The following RPA3 variants were observed in gnomAD, a reference collection of about 807,000 sequenced individuals.
RPA3 encodes replication protein A 14 kDa subunit.
In RPA3, 24 loss-of-function variants were observed where a neutral mutation model predicts 13.7. That is an observed-to-expected ratio of 1.75 (90% CI 1.27 to 2.46). RPA3 has a LOEUF of 2.46. Ranked by LOEUF, RPA3 falls within the 30% of genes most tolerant of loss-of-function variation. The pLI, the probability that RPA3 is intolerant of heterozygous loss-of-function variation, is 0.00. For synonymous variants in RPA3, 59 were observed against 51.2 expected (o/e 1.15, Z -0.65); for missense variants, 183 against 151.0 (o/e 1.21, Z -1.11).
chr7:7,674,836 C>A (rs1237111230), intron 4 of RPA3, among the ~76,000 whole-genome samples: 1 of 152,082 alleles, frequency 6.6e-6, no homozygotes, highest in African/African-American at 2.4e-5. Context: ...GTACATCAGG[C>A]CTCCTGTGAA....
rs1267107052 is a variant in RPA3, at chr7:7,640,931, T to TGGGTGCTGC, written c.-522_-514dup. 1 of 164,322 alleles carries TGGGTGCTGC rather than the reference T, an allele frequency of 6.1e-6. No homozygotes were observed. Among genetic ancestry groups the TGGGTGCTGC allele is most frequent in the Non-Finnish European group, 1.3e-5 (1 of 74,916 alleles). 10.2% of individuals were successfully genotyped at this position (164,322 alleles called of 1,614,324 possible). On this transcript the variant is annotated 5_prime_UTR_variant, in exon 5 of 8. Coordinates refer to ENST00000223129, the MANE Select transcript of RPA3 (RefSeq NM_002947.5). ...GGCACTAGCTGCTGCCGCGGTGCTG[T>TGGGTGCTGC]GGGTGCTGCGTACCAGCTGTTCACT...
chr7:7,696,172 A>T (rs1583747114), intron 2 of RPA3, among the ~76,000 whole-genome samples: 3 of 151,602 alleles, frequency 2.0e-5, no homozygotes, highest in African/African-American at 7.3e-5. Context: ...TGCCCAGCTA[A>T]TTTTTTTATT....
chr7:7,655,408 ATAAAT>A (rs974474013), intron 4 of RPA3, among the ~76,000 whole-genome samples: 6 of 152,242 alleles, frequency 3.9e-5, no homozygotes, highest in African/African-American at 1.4e-4. Context: ...AAAAAATAAA[ATAAAT>A]TAAATGAAAA....
At chr7:7,683,708 C>T (rs1377844286) in intron 4 of RPA3, among the ~76,000 whole-genome samples, 4 of 151,836 alleles carry the variant, frequency 2.6e-5, no homozygotes, top group Admixed American at 6.6e-5. Flanking sequence ...CTGCAATCTC[C>T]GCCTCCTGGG....
Position 7,637,914 on chromosome 7 carries a change from G to T in RPA3, c.233C>A (p.Thr78Asn). ...CTGGACATAAGATGTACACAAGATG[G>T]TGGCCTTGGCGGTTACTCTTCCAAC... ...EVVGRVTAKA[T>N]ILCTSYVQFK... Residue 78 changes from threonine to asparagine, a missense_variant, in exon 7 of 8, where the codon ACC (threonine) becomes AAC (asparagine). Coordinates refer to ENST00000223129, the MANE Select transcript of RPA3 (RefSeq NM_002947.5). 6.2e-7 allele frequency: 1 copy of T among 1,613,672 alleles called. No homozygotes were observed. Among genetic ancestry groups the T allele is most frequent in the Non-Finnish European group, 8.5e-7 (1 of 1,179,760 alleles).
chr7:7,667,032 C>T (rs916044549), intron 4 of RPA3, among the ~76,000 whole-genome samples: 2 of 152,184 alleles, frequency 1.3e-5, no homozygotes, highest in Non-Finnish European at 2.9e-5. Flanking sequence ...AGGTCTCTAA[C>T]TCCTAACCTC....
intron 1 of RPA3, among the ~76,000 whole-genome samples, chr7:7,716,251 C>A (rs190398023): frequency 4.7e-4 from 72 of 152,000 alleles, no homozygotes; most frequent in African/African-American, 1.4e-3. Flanking sequence ...AATCAGGATT[C>A]GATATTATTA....
rs758879887 is a variant in RPA3 at position 7,640,334 on chromosome 7, C to G, written c.85G>C (p.Gly29Arg). ...AACCCGCACACCTTTTCCAGCCTCC[C>G]TACGAAGCAGACAGGCTTGTCGATG... ...QFIDKPVCFV[G>R]RLEKIHPTGK... is the part of the protein sequence containing the mutation. The change falls in exon 5 of 8, where the codon GGG becomes CGG. Residue 29 changes from glycine (G) to arginine (R), a missense_variant. Physicochemically the swap from Gly to Arg is moderately radical, Grantham distance 125 (BLOSUM62 -2). Transcript: ENST00000223129. 2.6e-5 allele frequency: 42 copies of G among 1,613,934 alleles called. No homozygotes were observed. The highest frequency in any genetic ancestry group is 3.3e-5 in the Non-Finnish European group (39 of 1,179,958).
intron 4 of RPA3, among the ~76,000 whole-genome samples, chr7:7,668,083 A>AT (rs1318192208): frequency 3.3e-4 from 48 of 147,180 alleles, no homozygotes; most frequent in East Asian, 4.0e-4. Context: ...CAGCTGGCTA[A>AT]TTTTTTTTTT....
In RPA3 at chr7:7,645,155, A is replaced by G. The variant is rs143065734; in HGVS notation, c.-757-3980T>C. Among the ~76,000 whole-genome samples, 667 of 152,150 alleles carry G rather than the reference A, an allele frequency of 4.4e-3. 4 individuals are homozygous for G. The highest frequency in any genetic ancestry group is 0.015 in the African/African-American group (632 of 41,488). On this transcript the variant is annotated intron_variant, in intron 4 of 7. Transcript: ENST00000223129. ...CTATCAGTTTTTTTTGGAATTTTCTATTCATATTTGAATAATTATAGTTTT... is the reference window on the plus strand; with the variant it reads ...CTATCAGTTTTTTTTGGAATTTTCTGTTCATATTTGAATAATTATAGTTTT...
intron 4 of RPA3, among the ~76,000 whole-genome samples, chr7:7,684,566 A>T (rs1446377202): frequency 3.3e-5 from 5 of 152,124 alleles, no homozygotes; most frequent in Non-Finnish European, 7.4e-5. Context: ...GAATCCACCC[A>T]TGAGGAACTC....
chr7:7,645,057 A>C (rs1003707427), intron 4 of RPA3, among the ~76,000 whole-genome samples: 6 of 152,088 alleles, frequency 3.9e-5, no homozygotes, highest in Admixed American at 2.6e-4. Flanking sequence ...TGCTATTATG[A>C]ATGGTATCAT....
chr7:7,710,872 G>A (rs752659945), intron 2 of RPA3, among the ~76,000 whole-genome samples: 1 of 152,186 alleles, frequency 6.6e-6, no homozygotes, highest in African/African-American at 2.4e-5. Context: ...GTAACAAACT[G>A]TTGATATATA....
chr7:7,662,089 C>G (rs988725629), intron 4 of RPA3, among the ~76,000 whole-genome samples: 41 of 152,274 alleles, frequency 2.7e-4, no homozygotes, highest in African/African-American at 8.7e-4. Flanking sequence ...GGATCTTTCC[C>G]GGCATCTTTG....
intron 4 of RPA3, among the ~76,000 whole-genome samples, chr7:7,680,415 G>A (rs927177024): frequency 3.3e-5 from 5 of 151,978 alleles, no homozygotes; most frequent in African/African-American, 9.7e-5. Flanking sequence ...TTTTTATGCC[G>A]GTACTGTGCT....
intron 5 of RPA3, chr7:7,640,082 G>C (rs1485797485): frequency 1.8e-6 from 1 of 544,774 alleles, no homozygotes; most frequent in African/African-American, 1.9e-5. Flanking sequence ...TAGAACGGAG[G>C]CGACGGGCAC....
At chr7:7,697,564 A>C (rs1780351440) in intron 2 of RPA3, among the ~76,000 whole-genome samples, 1 of 152,202 alleles carries the variant, frequency 6.6e-6, no homozygotes, top group East Asian at 1.9e-4. Flanking sequence ...TCAGGAAGGA[A>C]GAAGCACGAA....
At chr7:7,697,225 G>C (rs1780342332) in intron 2 of RPA3, among the ~76,000 whole-genome samples, 1 of 152,120 alleles carries the variant, frequency 6.6e-6, no homozygotes. Context: ...CAACAGTCCT[G>C]ATTGGCTTTC....
At chr7:7,644,118 C>T (rs888240015) in intron 4 of RPA3, among the ~76,000 whole-genome samples, 10 of 152,058 alleles carry the variant, frequency 6.6e-5, no homozygotes, top group Non-Finnish European at 1.3e-4. Context: ...GGAGTTTTTT[C>T]CCCCAATTTG....
Sources: gnomAD v4.1 joint callset for allele counts (sites outside exome capture counted in the v4.1 genomes callset) on GRCh38, gnomAD v4.1.1 for gene constraint, MANE v1.5 for transcripts, NCBI Gene and HGNC (gene_info 2026-07-23, HGNC 2026-07-21) for gene names.